DENND1A: variants seen among roughly 807,000 people sequenced by gnomAD.
The protein encoded by DENND1A is DENN domain containing 1A, also known as DENN domain-containing protein 1A.
DENND1A carries 51 observed loss-of-function variants against 113.7 expected under a neutral mutation model. That is an observed-to-expected ratio of 0.45 (90% CI 0.36 to 0.57). The LOEUF is 0.57. Ranked by LOEUF, DENND1A falls within the 20% of genes least tolerant of loss-of-function variation. The pLI is 0.00. For synonymous variants in DENND1A, 565 were observed against 570.8 expected, an observed-to-expected ratio of 0.99 and a Z score of 0.14; for missense variants, 1,258 against 1,395.9, an observed-to-expected ratio of 0.90 and a Z score of 1.57.
At position 123,382,612 on chromosome 9, in the gene DENND1A, C is replaced by G. The variant is rs2042338616; in HGVS notation, c.2033G>C (p.Gly678Ala). The stretch of plus-strand genomic sequence containing the variant: ...CACCCCGCGGCTCCTCTCACTCCCG[C>G]CCAGATCCAGCCTCTGTTGGGAGGG... ...GTFDYQRLDLGGSERSRGVTV... is the reference protein window; with the variant it reads ...GTFDYQRLDLAGSERSRGVTV... Residue 678 changes from glycine (G) to alanine (A), a missense_variant, in exon 24 of 24, where the codon GGC (glycine) becomes GCC (alanine). Transcript: ENST00000394215. 6.2e-7 allele frequency: 1 copy of G among 1,613,980 alleles called. No individual in the cohort carries two copies. Among genetic ancestry groups the G allele is most frequent in the African/African-American group, 1.3e-5 (1 of 75,052 alleles).
chr9:123,695,037 G>A (rs1423436896), intron 5 of DENND1A, among the ~76,000 whole-genome samples: 1 of 152,076 alleles, frequency 6.6e-6, no homozygotes, highest in Non-Finnish European at 1.5e-5. Context: ...AGAGAGACTG[G>A]CCTAGCCTCC....
intron 19 of DENND1A, among the ~76,000 whole-genome samples, chr9:123,417,103 T>G (rs1018901358): frequency 6.6e-6 from 1 of 152,258 alleles, no homozygotes; most frequent in Non-Finnish European, 1.5e-5. Flanking sequence ...CAGTGAACTC[T>G]TCTGTAAAAT....
intron 11 of DENND1A, among the ~76,000 whole-genome samples, chr9:123,593,582 G>A (rs954844033): frequency 4.6e-5 from 7 of 152,106 alleles, no homozygotes; most frequent in African/African-American, 1.4e-4. Flanking sequence ...TCTGTGAGAG[G>A]GGCACACTTG....
chr9:123,408,531 C>T lies in DENND1A; in HGVS notation c.1542+3245G>A, dbSNP rs191324269. Among the ~76,000 whole-genome samples, 11 of 152,252 alleles carry T rather than the reference C, an allele frequency of 7.2e-5. No homozygotes were observed. The East Asian group carries it at 2.1e-3, about 29-fold the overall frequency. On this transcript the variant is annotated intron_variant, in intron 20 of 23. Coordinates refer to ENST00000394215, the MANE Select transcript of DENND1A (RefSeq NM_001352964.2). ...CTAATGCTCAGAGGTGAGGATCCTGCCTAAGGTCGCACAGCCAGGAAGTGG... is the reference window on the plus strand; with the variant it reads ...CTAATGCTCAGAGGTGAGGATCCTGTCTAAGGTCGCACAGCCAGGAAGTGG...
chr9:123,881,040 C>T (rs1043815140), intron 1 of DENND1A, among the ~76,000 whole-genome samples: 3 of 152,026 alleles, frequency 2.0e-5, no homozygotes, highest in African/African-American at 7.2e-5. Flanking sequence ...GTCATTTCTC[C>T]CCCAGAGAGA....
intron 2 of DENND1A, among the ~76,000 whole-genome samples, chr9:123,841,198 T>C (rs1841782727): frequency 6.6e-6 from 1 of 152,218 alleles, no homozygotes; most frequent in Non-Finnish European, 1.5e-5. Flanking sequence ...GTTATTGTTA[T>C]ACCAATTCCA....
intron 9 of DENND1A, among the ~76,000 whole-genome samples, chr9:123,637,676 G>A (rs1267296288): frequency 6.6e-6 from 1 of 152,104 alleles, no homozygotes; most frequent in Non-Finnish European, 1.5e-5. Context: ...TAGCAGAAAG[G>A]CAACTTAGAA....
chr9:123,769,954 G>A (rs540147442), intron 3 of DENND1A, among the ~76,000 whole-genome samples: 2 of 152,112 alleles, frequency 1.3e-5, no homozygotes, highest in African/African-American at 2.4e-5. Context: ...TGCTGGCACC[G>A]TTTTTGCCTG....
intron 13 of DENND1A, among the ~76,000 whole-genome samples, chr9:123,481,730 C>T (rs1014382096): frequency 1.3e-5 from 2 of 151,790 alleles, no homozygotes; most frequent in African/African-American, 4.8e-5. Context: ...TATGCCTATT[C>T]AGAAAAGGGG....
intron 21 of DENND1A, chr9:123,402,018 G>C: frequency 1.4e-6 from 2 of 1,471,314 alleles, no homozygotes; most frequent in Non-Finnish European, 1.9e-6. Flanking sequence ...TTAAAGAGGG[G>C]ACTTCAAAGA....
At chr9:123,867,389 GATA>G (rs1216494432) in intron 2 of DENND1A, among the ~76,000 whole-genome samples, 4 of 152,160 alleles carry the variant, frequency 2.6e-5, no homozygotes, top group Admixed American at 6.6e-5. Context: ...TTAGAAGTGT[GATA>G]ATAAGACCTC....
At position 123,886,276 on chromosome 9, in the gene DENND1A, G is replaced by A. The variant is rs1849071785; in HGVS notation, c.18-7255C>T. 2.0e-5 allele frequency among the ~76,000 whole-genome samples: 3 copies of A among 151,520 alleles called. 1 individual carries two copies. The highest frequency in any genetic ancestry group is 2.0e-4 in the Admixed American group (3 of 15,224). On this transcript the variant is annotated intron_variant, in intron 1 of 23. Transcript: ENST00000394215. ...CTACTTTTCCTCAATTAGAATATAT[G>A]AGATTAGGAGAAAAATGTAACATTA...
At chr9:123,827,006 A>G (rs1839426385) in intron 2 of DENND1A, among the ~76,000 whole-genome samples, 1 of 152,216 alleles carries the variant, frequency 6.6e-6, no homozygotes, top group South Asian at 2.1e-4. Context: ...ATTTAAAAGT[A>G]TACATCTACA....
chr9:123,473,147 T>A (rs575964984), intron 13 of DENND1A, among the ~76,000 whole-genome samples: 2 of 152,062 alleles, frequency 1.3e-5, no homozygotes, highest in Admixed American at 1.3e-4. Context: ...CATGCCTGGG[T>A]CAGAGCAAGC....
chr9:123,697,041 A>T (rs566315378), intron 5 of DENND1A, among the ~76,000 whole-genome samples: 1 of 152,324 alleles, frequency 6.6e-6, no homozygotes, highest in African/African-American at 2.4e-5. Context: ...TATACAAACC[A>T]TAAAAGGGGC....
At chr9:123,646,654 G>C (rs765853634) in intron 9 of DENND1A, among the ~76,000 whole-genome samples, 6 of 151,920 alleles carry the variant, frequency 3.9e-5, no homozygotes, top group Non-Finnish European at 7.4e-5. Context: ...TTACTCCTTA[G>C]TACTTTCCAT....
intron 6 of DENND1A, among the ~76,000 whole-genome samples, chr9:123,675,868 C>G (rs1177804321): frequency 6.6e-6 from 1 of 152,162 alleles, no homozygotes; most frequent in Non-Finnish European, 1.5e-5. Context: ...AGTGGCCCAT[C>G]TGGGATTCTC....
At chr9:123,712,086 CACAA>C (rs1188571655) in intron 5 of DENND1A, among the ~76,000 whole-genome samples, 1 of 152,210 alleles carries the variant, frequency 6.6e-6, no homozygotes, top group African/African-American at 2.4e-5. Flanking sequence ...AAAAATTCCA[CACAA>C]ACATATTATA....
At chr9:123,512,615 A>G (rs1327248247) in intron 13 of DENND1A, among the ~76,000 whole-genome samples, 1 of 152,064 alleles carries the variant, frequency 6.6e-6, no homozygotes, top group African/African-American at 2.4e-5. Context: ...AGCGTCACAG[A>G]CCTCCCCAAA....
Sources: allele counts gnomAD v4.1 joint callset (sites outside exome capture counted in the v4.1 genomes callset), GRCh38; gene constraint gnomAD v4.1.1; transcripts MANE v1.5; gene names NCBI Gene and HGNC (gene_info 2026-07-23, HGNC 2026-07-21).